BRINP1: variants seen among roughly 807,000 people sequenced by gnomAD.
The protein encoded by BRINP1 is BMP/retinoic acid inducible neural specific 1.
A neutral mutation model predicts 72.9 loss-of-function variants in BRINP1; 17 were observed. The ratio of observed to expected loss-of-function variants is 0.23; its 90% CI spans 0.16 to 0.35. The LOEUF (loss-of-function observed/expected upper bound fraction) is 0.35, where lower values mean the gene tolerates loss of function less well. Among genes scored for constraint, BRINP1 ranks in the 10% least tolerant of loss-of-function variants. The pLI, the probability that BRINP1 is intolerant of heterozygous loss-of-function variation, is 1.00. For synonymous variants in BRINP1, 418 were observed against 378.5 expected, an observed-to-expected ratio of 1.10 and a Z score of -1.21; for missense variants, 850 against 1,001.6, an observed-to-expected ratio of 0.85 and a Z score of 2.04.
chr9:119,326,708 T>C (rs1438620810), intron 1 of BRINP1, among the ~76,000 whole-genome samples: 4 of 152,174 alleles, frequency 2.6e-5, no homozygotes, highest in Non-Finnish European at 4.4e-5. Context: ...TTGCTACAAT[T>C]CAATAGATAT....
chr9:119,168,119 G>A lies in BRINP1; in HGVS notation c.1251C>T (p.Gly417=), dbSNP rs1465562675. The A allele has an allele frequency of 1.2e-6, 2 of 1,606,912 alleles. No homozygotes were observed. The highest frequency in any genetic ancestry group is 1.3e-5 in the African/African-American group (1 of 74,934). ...TGGGGCGCTGGCACAGCGTGGTGCTGCCGTGGCACACGCAGCTCCGCTGGC... is the reference window on the plus strand; with the variant it reads ...TGGGGCGCTGGCACAGCGTGGTGCTACCGTGGCACACGCAGCTCCGCTGGC... ...LESQRSCVCH[G]STTLCQRPIP... The change falls in exon 8 of 8, where the codon GGC becomes GGT. Residue 417 remains glycine (G), a synonymous_variant. Transcript: ENST00000265922.
At chr9:119,172,161 A>C (rs1398200061) in intron 7 of BRINP1, among the ~76,000 whole-genome samples, 1 of 150,916 alleles carries the variant, frequency 6.6e-6, no homozygotes, top group Non-Finnish European at 1.5e-5. Flanking sequence ...ATAGAGACAC[A>C]AAAAACCCAT....
intron 7 of BRINP1, among the ~76,000 whole-genome samples, chr9:119,188,467 G>T (rs1829649066): frequency 6.6e-6 from 1 of 152,120 alleles, no homozygotes; most frequent in South Asian, 2.1e-4. Flanking sequence ...ACCAGCCTTA[G>T]AAAAAATGTT....
chr9:119,179,862 C>T (rs1351468307), intron 7 of BRINP1, among the ~76,000 whole-genome samples: 1 of 152,252 alleles, frequency 6.6e-6, no homozygotes, highest in Non-Finnish European at 1.5e-5. Flanking sequence ...AGCTGCCCCC[C>T]TGCAGGTTCT....
At position 119,255,897 on chromosome 9, in the gene BRINP1, G is replaced by C. The variant is rs374440869; in HGVS notation, c.219-6747C>G. 6.0e-3 allele frequency among the ~76,000 whole-genome samples: 867 copies of C among 144,634 alleles called. 13 individuals carry two copies. The highest frequency in any genetic ancestry group is 0.021 in the African/African-American group (821 of 39,068). 94.9% of individuals were successfully genotyped at this position (144,634 alleles called of 152,430 possible). A position where few individuals can be genotyped will look rare whatever the true frequency, so the allele number is the denominator to read the frequency against. On this transcript the variant is annotated intron_variant, in intron 2 of 7. Transcript: ENST00000265922. ...TTGAACCCGGGAGGCGGAGGCTGCA[G>C]TGAGCCGGGATCGAGCCACTGCATG...
At chr9:119,204,440 C>A (rs1399290359) in intron 7 of BRINP1, among the ~76,000 whole-genome samples, 1 of 149,892 alleles carries the variant, frequency 6.7e-6, no homozygotes, top group Non-Finnish European at 1.5e-5. Flanking sequence ...TAAATCTTAA[C>A]ATTTCTTTGA....
intron 1 of BRINP1, among the ~76,000 whole-genome samples, chr9:119,363,560 C>T (rs1194236406): frequency 6.6e-6 from 1 of 152,238 alleles, no homozygotes; most frequent in East Asian, 1.9e-4. Flanking sequence ...TTCCTTTCTA[C>T]CACATTACCA....
Position 119,224,053 on chromosome 9 carries a change from T to C in BRINP1, c.686-9898A>G, listed in dbSNP as rs553764221. Among the ~76,000 whole-genome samples the C allele has an allele frequency of 2.3e-3, 344 of 152,184 alleles. 2 individuals are homozygous for C. The highest frequency in any genetic ancestry group is 4.2e-3 in the Non-Finnish European group (287 of 67,974). ...GGTATGCAAAAATTAAAGTACTCAA[T>C]TGAACATCTATTAAGAAAGTCCTTT... On this transcript the variant is annotated intron_variant, in intron 5 of 7. Coordinates refer to ENST00000265922, the MANE Select transcript of BRINP1 (RefSeq NM_014618.3).
At chr9:119,351,354 A>G (rs1831506220) in intron 1 of BRINP1, among the ~76,000 whole-genome samples, 1 of 152,122 alleles carries the variant, frequency 6.6e-6, no homozygotes, top group African/African-American at 2.4e-5. Flanking sequence ...GGTTCTTCCC[A>G]TATCTATCAA....
chr9:119,198,165 A>G (rs1829760121), intron 7 of BRINP1, among the ~76,000 whole-genome samples: 1 of 152,210 alleles, frequency 6.6e-6, no homozygotes, highest in African/African-American at 2.4e-5. Flanking sequence ...AGAAATGTGC[A>G]TTTATATGTT....
chr9:119,355,450 C>T (rs758125894), intron 1 of BRINP1, among the ~76,000 whole-genome samples: 25 of 152,092 alleles, frequency 1.6e-4, no homozygotes, highest in Non-Finnish European at 3.1e-4. Context: ...TACACCCGGC[C>T]GGGCACGGTG....
At chr9:119,232,951 C>G (rs968082480) in intron 5 of BRINP1, among the ~76,000 whole-genome samples, 2 of 152,040 alleles carry the variant, frequency 1.3e-5, no homozygotes, top group Admixed American at 1.3e-4. Context: ...ACTGCTATGA[C>G]TACTAATAGC....
chr9:119,313,502 G>T, intron 1 of BRINP1, 97 bp from the exon 2 acceptor site: 1 of 1,113,940 alleles, frequency 9.0e-7, no homozygotes, highest in East Asian at 2.6e-5. Flanking sequence ...CACAGGAAAA[G>T]AAAAAATGTG....
chr9:119,246,637 G>A (rs538558372), intron 3 of BRINP1, among the ~76,000 whole-genome samples: 4 of 152,286 alleles, frequency 2.6e-5, no homozygotes, highest in African/African-American at 9.6e-5. Flanking sequence ...CTAAGCTGGT[G>A]AACAGCCGGA....
chr9:119,218,880 T>C (rs1201541243), intron 5 of BRINP1, among the ~76,000 whole-genome samples: 2 of 151,900 alleles, frequency 1.3e-5, no homozygotes, highest in African/African-American at 4.8e-5. Flanking sequence ...GTCCCCTGCA[T>C]ACATACATTC....
chr9:119,252,689 T>A (rs903296687), intron 2 of BRINP1, among the ~76,000 whole-genome samples: 1 of 152,080 alleles, frequency 6.6e-6, no homozygotes, highest in Non-Finnish European at 1.5e-5. Flanking sequence ...TTAAAGGTCA[T>A]GTAGCTAATG....
intron 4 of BRINP1, 75 bp downstream of exon 4, chr9:119,241,972 T>G: frequency 6.8e-7 from 1 of 1,474,632 alleles, no homozygotes; most frequent in South Asian, 1.3e-5. Context: ...CATCTGTCCA[T>G]CCACTCTCAG....
chr9:119,279,480 G>A (rs747600017), intron 2 of BRINP1, among the ~76,000 whole-genome samples: 32 of 152,180 alleles, frequency 2.1e-4, no homozygotes, highest in Non-Finnish European at 4.3e-4. Context: ...TGAGAGAAAG[G>A]GTTGTATCTT....
intron 7 of BRINP1, among the ~76,000 whole-genome samples, chr9:119,170,418 G>GGAA (rs1225835656): frequency 6.7e-6 from 1 of 149,832 alleles, no homozygotes; most frequent in Non-Finnish European, 1.5e-5. Flanking sequence ...AAGTGAGAAG[G>GGAA]GAAGTTTAGA....
Sources: allele counts gnomAD v4.1 joint callset (sites outside exome capture counted in the v4.1 genomes callset), GRCh38; gene constraint gnomAD v4.1.1; transcripts MANE v1.5; gene names NCBI Gene and HGNC (gene_info 2026-07-23, HGNC 2026-07-21).